VNN1: variants seen among roughly 807,000 people sequenced by gnomAD.
VNN1 encodes the protein vanin 1.
In VNN1, 29 loss-of-function variants were observed where a neutral mutation model predicts 41.9. The ratio of observed to expected loss-of-function variants is 0.69; its 90% CI spans 0.52 to 0.94. VNN1 has a LOEUF of 0.94. Among genes scored for constraint, VNN1 ranks in the 40% least tolerant of loss-of-function variants. VNN1 has a pLI of 0.00. For missense variants in VNN1, 637 were observed against 621.1 expected, an observed-to-expected ratio of 1.03 and a Z score of -0.27; for synonymous variants, 233 against 224.4, an observed-to-expected ratio of 1.04 and a Z score of -0.34.
At chr6:132,687,550 T>C in intron 5 of VNN1, among the ~76,000 whole-genome samples, 1 of 152,148 alleles carries the variant, frequency 6.6e-6, no homozygotes, top group African/African-American at 2.4e-5. Flanking sequence ...TAGAGCAATG[T>C]GACTAGACAG....
intron 2 of VNN1, among the ~76,000 whole-genome samples, chr6:132,705,984 C>T (rs780767021): frequency 6.6e-6 from 1 of 152,094 alleles, no homozygotes; most frequent in Non-Finnish European, 1.5e-5. Flanking sequence ...ACAATGAAGT[C>T]TGTAAAACAT....
rs528471430 is a variant in VNN1 at position 132,693,850 on chromosome 6, A to G, written c.534+140T>C. 6.9e-6 allele frequency: 7 copies of G among 1,007,914 alleles called. No individual in the cohort carries two copies. The East Asian group carries it at 1.5e-4, about 22-fold the overall frequency. 62.4% of individuals were successfully genotyped at this position (1,007,914 alleles called of 1,614,324 possible). A position where few individuals can be genotyped will look rare whatever the true frequency, so the allele number is the denominator to read the frequency against. ...TTAAGCCTCTTTATAGGAGCTTTCC[A>G]CGCTTTATCATTACTTTCTATGCTT... On this transcript the variant is annotated intron_variant, in intron 3 of 6. Coordinates refer to ENST00000367928, the MANE Select transcript of VNN1 (RefSeq NM_004666.3).
chr6:132,683,960 C>A (rs972123103), intron 6 of VNN1, among the ~76,000 whole-genome samples: 5 of 152,148 alleles, frequency 3.3e-5, no homozygotes, highest in Admixed American at 3.3e-4. Context: ...TCACACAGAG[C>A]CTTGACTCAC....
chr6:132,694,191 T>A lies in VNN1; in HGVS notation c.342-9A>T. 1 of 1,558,742 alleles carries A rather than the reference T, an allele frequency of 6.4e-7. No individual in the cohort carries two copies. ...CTGGGGTCTGGCCAAATCTGATACA[T>A]GTTTATTGGAGGAAAAAAATCTTTG... is the stretch of plus-strand genomic sequence containing the variant. On this transcript the variant is annotated splice_polypyrimidine_tract_variant and intron_variant, in intron 2 of 6. Transcript: ENST00000367928.
At position 132,692,526 on chromosome 6, in the gene VNN1, T is replaced by C; in HGVS notation, c.885A>G (p.Glu295=). 6.2e-7 allele frequency: 1 copy of C among 1,610,644 alleles called. No homozygotes were observed. The highest frequency in any genetic ancestry group is 8.5e-7 in the Non-Finnish European group (1 of 1,179,832). The change falls in exon 5 of 7, where the codon GAA becomes GAG. Residue 295 remains glutamate, a synonymous_variant. Transcript: ENST00000367928. ...GTTGCGAGAGGAGGAGTTTTCCCTCTTCTGTCTTCATATCATAATGAAATG... is the reference window on the plus strand; with the variant it reads ...GTTGCGAGAGGAGGAGTTTTCCCTCCTCTGTCTTCATATCATAATGAAATG... ...SRAFHYDMKT[E]EGKLLLSQLD...
rs543721406 is a variant in VNN1 at position 132,692,181 on chromosome 6, T to C, written c.1188+42A>G. 59 of 1,506,592 alleles carry C rather than the reference T, an allele frequency of 3.9e-5. No homozygotes were observed. In the South Asian group the frequency reaches 4.6e-4, roughly 12 times the overall value. 93.3% of individuals were successfully genotyped at this position (1,506,592 alleles called of 1,614,324 possible). ...TCTAAACTGTATATTTAACTGAGTG[T>C]CTTTATTTTATCCAGTAACTCTTCT... On this transcript the variant is annotated intron_variant, in intron 5 of 6. Coordinates refer to ENST00000367928, the MANE Select transcript of VNN1 (RefSeq NM_004666.3).
intron 2 of VNN1, among the ~76,000 whole-genome samples, chr6:132,703,348 G>C (rs969853559): frequency 6.8e-6 from 1 of 147,954 alleles, no homozygotes; most frequent in Non-Finnish European, 1.5e-5. Flanking sequence ...AATTATAAAA[G>C]CTTTTTAAGA....
intron 5 of VNN1, among the ~76,000 whole-genome samples, chr6:132,687,045 C>T (rs962851326): frequency 3.3e-5 from 5 of 151,776 alleles, no homozygotes; most frequent in African/African-American, 1.2e-4. Flanking sequence ...AAAATTAGAG[C>T]CCTAATCCAA....
rs1778113822 is a variant in VNN1 at position 132,681,142 on chromosome 6, A to G, written c.*1998T>C. Among the ~76,000 whole-genome samples, 1 of 152,178 alleles carries G rather than the reference A, an allele frequency of 6.6e-6. No individual in the cohort carries two copies. The stretch of plus-strand genomic sequence containing the variant: ...TGTGCCATTGTTGGTCCATGTGACC[A>G]ACATCATGTGGAAGAAGAGATGTCA... On this transcript the variant is annotated 3_prime_UTR_variant, in exon 7 of 7. Transcript: ENST00000367928.
chr6:132,692,828 G>A (rs1409023617), intron 4 of VNN1, among the ~76,000 whole-genome samples, 196 bp downstream of exon 4: 1 of 151,936 alleles, frequency 6.6e-6, no homozygotes, highest in Non-Finnish European at 1.5e-5. Context: ...AAAAAATCAA[G>A]TTAAATAAAA....
chr6:132,712,147 TTC>T (rs1491242176), intron 1 of VNN1, among the ~76,000 whole-genome samples: 2 of 151,758 alleles, frequency 1.3e-5, no homozygotes, highest in Admixed American at 6.6e-5. Context: ...GCATTTTTTT[TTC>T]TCTCTTTTTT....
chr6:132,683,013 T>G lies in VNN1; in HGVS notation c.*127A>C. ...TTTATATTATCTGGTGTGTGTGTGT[T>G]TGTCTAAATAAAGAGAAACTAGTAA... On this transcript the variant is annotated 3_prime_UTR_variant, in exon 7 of 7. Transcript: ENST00000367928. The G allele has an allele frequency of 2.8e-6, 2 of 713,260 alleles. No homozygotes were observed. The highest frequency in any genetic ancestry group is 3.0e-5 in the East Asian group (1 of 33,864). The allele number at this position is 713,260 out of a possible 1,614,324, so 44.2% of individuals were successfully genotyped here.
chr6:132,710,692 G>A (rs1778587111), intron 2 of VNN1, among the ~76,000 whole-genome samples: 1 of 152,124 alleles, frequency 6.6e-6, no homozygotes, highest in Non-Finnish European at 1.5e-5. Flanking sequence ...TCCCTGCAAA[G>A]GACATGAACT....
intron 2 of VNN1, among the ~76,000 whole-genome samples, chr6:132,696,950 A>G (rs535523048): frequency 2.0e-5 from 3 of 152,012 alleles, no homozygotes; most frequent in Admixed American, 2.0e-4. Context: ...CTAAAAATAC[A>G]AAAAATTAGC....
At chr6:132,708,942 G>A (rs528842915) in intron 2 of VNN1, among the ~76,000 whole-genome samples, 1 of 152,210 alleles carries the variant, frequency 6.6e-6, no homozygotes, top group African/African-American at 2.4e-5. Context: ...CTGACCACAG[G>A]ATCTTGGAAT....
At chr6:132,703,223 C>T (rs1410405539) in intron 2 of VNN1, among the ~76,000 whole-genome samples, 1 of 152,114 alleles carries the variant, frequency 6.6e-6, no homozygotes, top group Non-Finnish European at 1.5e-5. Flanking sequence ...TCTTAAGGTA[C>T]AAAACTCACT....
intron 2 of VNN1, among the ~76,000 whole-genome samples, chr6:132,699,882 C>T (rs187037931): frequency 1.3e-5 from 2 of 152,284 alleles, no homozygotes; most frequent in East Asian, 1.9e-4. Flanking sequence ...AATTATCCAA[C>T]CTCTGATATG....
rs765045340 is a variant in VNN1, at chr6:132,692,247, A to G, written c.1164T>C (p.Thr388=). 9 of 1,596,078 alleles carry G rather than the reference A, an allele frequency of 5.6e-6. No homozygotes were observed. In the South Asian group the frequency reaches 9.0e-5, roughly 16 times the overall value. The change falls in exon 5 of 7, where the codon ACT becomes ACC. Residue 388 remains threonine (T), a synonymous_variant. Coordinates refer to ENST00000367928, the MANE Select transcript of VNN1 (RefSeq NM_004666.3). ...CCTGTAGATAATAGCGCCCTTCCAC[A>G]GTGTGCAGTCCGTCAAATGCCCCTA... The part of the protein sequence containing the change: ...YALGAFDGLH[T]VEGRYYLQIC...
Position 132,683,235 on chromosome 6 carries a change from C to T in VNN1, c.1447G>A (p.Asp483Asn). The part of the protein sequence containing the change: ...VTLFGRLYEK[D>N]WASNASSGLT... ...CCTGATGAAGCATTTGATGCCCAGT[C>T]CTTCTCATACAACCTCCCAAACAGA... Residue 483 changes from aspartate to asparagine, a missense_variant, in exon 7 of 7, where the codon GAC becomes AAC. Asp to Asn is a conservative substitution (Grantham distance 23). Coordinates refer to ENST00000367928, the MANE Select transcript of VNN1 (RefSeq NM_004666.3). 1 of 1,614,120 alleles carries T rather than the reference C, an allele frequency of 6.2e-7. No homozygotes were observed.
Sources: gnomAD v4.1 joint callset for allele counts (sites outside exome capture counted in the v4.1 genomes callset) on GRCh38, gnomAD v4.1.1 for gene constraint, MANE v1.5 for transcripts, NCBI Gene and HGNC (gene_info 2026-07-23, HGNC 2026-07-21) for gene names.